GATA5: variants seen among roughly 807,000 people sequenced by gnomAD.
GATA5 encodes the protein transcription factor GATA-5.
GATA5 carries 27 observed loss-of-function variants against 35.0 expected under a neutral mutation model. That is an observed-to-expected ratio of 0.77 (90% CI 0.57 to 1.06). The LOEUF (loss-of-function observed/expected upper bound fraction) is 1.06. GATA5 is among the 50% of genes least tolerant of loss of function. The probability of loss-of-function intolerance (pLI) is 0.00; values close to 1 mark genes in which losing one functional copy is unlikely to be tolerated. For missense variants in GATA5, 612 were observed against 580.0 expected, an observed-to-expected ratio of 1.06 and a Z score of -0.57; for synonymous variants, 306 against 267.8, an observed-to-expected ratio of 1.14 and a Z score of -1.39.
chr20:62,472,339 C>G (rs1989743042), intron 3 of GATA5, among the ~76,000 whole-genome samples: 1 of 152,234 alleles, frequency 6.6e-6, no homozygotes, highest in South Asian at 2.1e-4. Context: ...CCTGGTCCCC[C>G]ACAGCCCAGG....
At chr20:62,465,252 G>T in intron 6 of GATA5, 88 bp downstream of exon 6, 4 of 1,366,452 alleles carry the variant, frequency 2.9e-6, no homozygotes, top group East Asian at 2.4e-5. Context: ...GCTGGAAGAG[G>T]CTCCGAGGGG....
Position 62,464,882 on chromosome 20 carries a change from C to T in GATA5, c.1148G>A (p.Arg383Lys). The change falls in exon 7 of 7, where the codon AGG (arginine) becomes AAG (lysine). Residue 383 changes from arginine to lysine, a missense_variant. Physicochemically the swap from Arg to Lys is conservative, Grantham distance 26. Coordinates refer to ENST00000252997, the MANE Select transcript of GATA5 (RefSeq NM_080473.5). ...STAPSPQAGL[R>K]GALRQEAWCA... ...CCAGGCCTCTTGGCGCAGAGCCCCC[C>T]TGAGGCCAGCCTGGGGGCTTGGGGC... 1.2e-6 allele frequency: 2 copies of T among 1,610,550 alleles called. No individual in the cohort carries two copies. The highest frequency in any genetic ancestry group is 1.7e-6 in the Non-Finnish European group (2 of 1,178,728).
chr20:62,465,693 T>C (rs1989567460), intron 5 of GATA5, 141 bp downstream of exon 5: 1 of 851,810 alleles, frequency 1.2e-6, no homozygotes. Flanking sequence ...CCCAGCAAGG[T>C]CACCACAGGG....
chr20:62,466,938 C>T (rs1273043307), intron 3 of GATA5, among the ~76,000 whole-genome samples: 2 of 152,222 alleles, frequency 1.3e-5, no homozygotes, highest in African/African-American at 2.4e-5. Context: ...CAGGGTCCCC[C>T]GGAGGCCAAG....
At chr20:62,467,519 C>A (rs1989621361) in intron 3 of GATA5, among the ~76,000 whole-genome samples, 1 of 152,214 alleles carries the variant, frequency 6.6e-6, no homozygotes, top group African/African-American at 2.4e-5. Flanking sequence ...CCTGGTTCTC[C>A]TGGGGGGCTG....
At chr20:62,474,855 G>T (rs1555896929) in intron 2 of GATA5, 144 bp downstream of exon 2, 2 of 609,590 alleles carry the variant, frequency 3.3e-6, no homozygotes, top group Non-Finnish European at 4.8e-6. Flanking sequence ...AGGTTTACTC[G>T]TCTCGCCCCG....
chr20:62,467,988 T>TTG, intron 3 of GATA5, among the ~76,000 whole-genome samples: 2 of 149,154 alleles, frequency 1.3e-5, no homozygotes, highest in African/African-American at 5.2e-5. Context: ...ACAGCCAGCC[T>TTG]CGGCTTCCCC....
At position 62,464,884 on chromosome 20, in the gene GATA5, G is replaced by A; in HGVS notation, c.1146C>T (p.Leu382=). The A allele has an allele frequency of 6.2e-7, 1 of 1,610,672 alleles. No individual in the cohort carries two copies. Among genetic ancestry groups the A allele is most frequent in the Non-Finnish European group, 8.5e-7 (1 of 1,178,754 alleles). The change falls in exon 7 of 7, where the codon CTC becomes CTT. Residue 382 remains leucine (L), a synonymous_variant. Transcript: ENST00000252997. ...PSTAPSPQAG[L]RGALRQEAWC... ...AGGCCTCTTGGCGCAGAGCCCCCCT[G>A]AGGCCAGCCTGGGGGCTTGGGGCCG...
chr20:62,466,939 G>A (rs921688593), intron 3 of GATA5, among the ~76,000 whole-genome samples: 8 of 152,198 alleles, frequency 5.3e-5, no homozygotes, highest in African/African-American at 1.7e-4. Flanking sequence ...AGGGTCCCCC[G>A]GAGGCCAAGA....
intron 2 of GATA5, among the ~76,000 whole-genome samples, chr20:62,474,353 G>T (rs1450184461): frequency 3.9e-5 from 6 of 152,226 alleles, no homozygotes; most frequent in Non-Finnish European, 8.8e-5. Flanking sequence ...CAGGGAGGCG[G>T]GGGCCAGGGG....
intron 3 of GATA5, among the ~76,000 whole-genome samples, chr20:62,468,117 T>C (rs1989637226): frequency 6.7e-6 from 1 of 150,014 alleles, no homozygotes; most frequent in Non-Finnish European, 1.5e-5. Flanking sequence ...GTTACTGCCA[T>C]GAGCAGACAC....
Position 62,465,010 on chromosome 20 carries a change from G to A in GATA5, c.1039-19C>T, listed in dbSNP as rs201611980. ...CAGAGGCCTGCAGGGACAGGAGAGCGTGAGAATGTGGGGTGGGGCGTGGGG... is the reference window on the plus strand; with the variant it reads ...CAGAGGCCTGCAGGGACAGGAGAGCATGAGAATGTGGGGTGGGGCGTGGGG... On this transcript the variant is annotated intron_variant, in intron 6 of 6. Coordinates refer to ENST00000252997, the MANE Select transcript of GATA5 (RefSeq NM_080473.5). 7.5e-4 allele frequency: 893 copies of A among 1,191,072 alleles called. No individual in the cohort carries two copies. The highest frequency in any genetic ancestry group is 9.4e-4 in the Non-Finnish European group (826 of 878,562). 73.8% of individuals were successfully genotyped at this position (1,191,072 alleles called of 1,614,324 possible). A position where few individuals can be genotyped will look rare whatever the true frequency, so the allele number is the denominator to read the frequency against.
At chr20:62,467,568 CCCCTTCCCTCAGGTTGCACAGCCCCTG>C (rs1180135491) in intron 3 of GATA5, among the ~76,000 whole-genome samples, 1 of 152,220 alleles carries the variant, frequency 6.6e-6, no homozygotes, top group African/African-American at 2.4e-5. Flanking sequence ...CCCCATCGGT[CCCCTTCCCTCAGGTTGCACAGCCCCTG>C]CCTGGTCCAG....
rs148724629 is a variant in GATA5, at chr20:62,464,881, C to T, written c.1149G>A (p.Arg383=). ...ACCAGGCCTCTTGGCGCAGAGCCCCCCTGAGGCCAGCCTGGGGGCTTGGGG... is the reference window on the plus strand; with the variant it reads ...ACCAGGCCTCTTGGCGCAGAGCCCCTCTGAGGCCAGCCTGGGGGCTTGGGG... The part of the protein sequence containing the change: ...STAPSPQAGL[R]GALRQEAWCA... The change falls in exon 7 of 7, where the codon AGG becomes AGA. Residue 383 remains arginine (R), a synonymous_variant. Coordinates refer to ENST00000252997, the MANE Select transcript of GATA5 (RefSeq NM_080473.5). 2 of 1,610,442 alleles carry T rather than the reference C, an allele frequency of 1.2e-6. No homozygotes were observed. The highest frequency in any genetic ancestry group is 2.2e-5 in the South Asian group (2 of 90,924).
intron 3 of GATA5, among the ~76,000 whole-genome samples, chr20:62,471,604 A>G (rs891080060): frequency 1.4e-5 from 2 of 145,776 alleles, no homozygotes; most frequent in Non-Finnish European, 3.0e-5. Flanking sequence ...CTAACTTTTA[A>G]ATTTTTTGTA....
intron 3 of GATA5, among the ~76,000 whole-genome samples, chr20:62,471,508 T>G (rs1989723555): frequency 7.1e-6 from 1 of 140,104 alleles, no homozygotes; most frequent in South Asian, 2.5e-4. Flanking sequence ...CTCGGCTCAT[T>G]GCAGCCTCAG....
intron 5 of GATA5, 73 bp from the exon 6 acceptor site, chr20:62,465,537 T>A: frequency 6.5e-7 from 1 of 1,541,574 alleles, no homozygotes; most frequent in South Asian, 1.2e-5. Context: ...ATGTAGCGGG[T>A]CTCCTCTGGC....
intron 3 of GATA5, among the ~76,000 whole-genome samples, chr20:62,471,432 A>ATTTTTTTTTTTG (rs1989717934): frequency 1.2e-5 from 1 of 81,746 alleles, no homozygotes; most frequent in East Asian, 3.5e-4. Flanking sequence ...TTCAATTACA[A>ATTTTTTTTTTTG]TTTTTTTTTT....
rs1478364509 is a variant in GATA5, at chr20:62,464,960, G to A, written c.1070C>T (p.Pro357Leu). The A allele has an allele frequency of 4.3e-6, 7 of 1,610,538 alleles. No homozygotes were observed. In the African/African-American group the frequency reaches 6.7e-5, roughly 15 times the overall value. Residue 357 changes from proline (P) to leucine (L), a missense_variant, in exon 7 of 7, where the codon CCC becomes CTC. Transcript: ENST00000252997. ...ASGQEDDSLAPGHLEFKFEPE... is the reference protein window; with the variant it reads ...ASGQEDDSLALGHLEFKFEPE... ...CTCGAACTTGAACTCCAAGTGGCCG[G>A]GGGCAAGAGAGTCATCCTCCTGGCC...
Sources: gnomAD v4.1 joint callset for allele counts (sites outside exome capture counted in the v4.1 genomes callset) on GRCh38, gnomAD v4.1.1 for gene constraint, MANE v1.5 for transcripts, NCBI Gene and HGNC (gene_info 2026-07-23, HGNC 2026-07-21) for gene names.